The following GGH variants were observed in gnomAD, a reference collection of about 807,000 sequenced individuals.
GGH encodes the protein gamma-Glu-X carboxypeptidase.
GGH carries 18 observed loss-of-function variants against 39.2 expected under a neutral mutation model. That is an observed-to-expected ratio of 0.46 (90% CI 0.32 to 0.68). GGH has a LOEUF of 0.68. GGH is among the 30% of genes least tolerant of loss of function. The pLI, the probability that GGH is intolerant of heterozygous loss-of-function variation, is 0.04. For synonymous variants in GGH, 147 were observed against 138.8 expected, an observed-to-expected ratio of 1.06 and a Z score of -0.42; for missense variants, 367 against 384.1, an observed-to-expected ratio of 0.96 and a Z score of 0.37.
Position 63,038,779 on chromosome 8 carries a change from G to C in GGH, c.-11C>G. The C allele has an allele frequency of 6.8e-7, 1 of 1,466,090 alleles. No homozygotes were observed. Among genetic ancestry groups the C allele is most frequent in the South Asian group, 1.3e-5 (1 of 78,754 alleles). 90.8% of individuals were successfully genotyped at this position (1,466,090 alleles called of 1,614,324 possible). On this transcript the variant is annotated 5_prime_UTR_variant, in exon 1 of 9. Transcript: ENST00000260118. ...GCCCGGACTGGCCATGGCGCTCGCC[G>C]CCTCCCGCCGCCTTTCAAAAGCTCT...
At chr8:63,017,106 C>G (rs181094476) in intron 8 of GGH, among the ~76,000 whole-genome samples, 1 of 151,936 alleles carries the variant, frequency 6.6e-6, no homozygotes, top group Admixed American at 6.6e-5. Context: ...CAGGAGGATC[C>G]CCTGAGCCCA....
In GGH at chr8:63,020,686, C is replaced by A. The variant is rs761636471; in HGVS notation, c.698-3056G>T. Among the ~76,000 whole-genome samples, 137 of 152,246 alleles carry A rather than the reference C, an allele frequency of 9.0e-4. 1 individual carries two copies. Among genetic ancestry groups the A allele is most frequent in the Non-Finnish European group, 1.6e-3 (108 of 68,018 alleles). On this transcript the variant is annotated intron_variant, in intron 7 of 8. Transcript: ENST00000260118. ...AAGCACATGAGAAGCAGTGCAGAGG[C>A]AAGAAGCATGGCTCTGTGGAGGGAC...
At chr8:63,028,596 A>G (rs1209367913) in intron 3 of GGH, 1 of 152,148 alleles carries the variant, frequency 6.6e-6, no homozygotes, top group Non-Finnish European at 1.5e-5. Flanking sequence ...TTTTCTGGTG[A>G]CACTCAGAGA....
intron 1 of GGH, among the ~76,000 whole-genome samples, chr8:63,037,735 G>T (rs1804937516): frequency 6.6e-6 from 1 of 152,070 alleles, no homozygotes; most frequent in Non-Finnish European, 1.5e-5. Flanking sequence ...CACACAATAT[G>T]CAACCTGTTA....
chr8:63,016,719 G>A (rs1003621478), intron 8 of GGH, among the ~76,000 whole-genome samples: 2 of 152,162 alleles, frequency 1.3e-5, no homozygotes, highest in African/African-American at 2.4e-5. Flanking sequence ...TGCTTAAATC[G>A]TAGGACTTAC....
chr8:63,031,664 A>G (rs1403366313), intron 2 of GGH, among the ~76,000 whole-genome samples: 1 of 152,192 alleles, frequency 6.6e-6, no homozygotes, highest in Non-Finnish European at 1.5e-5. Context: ...CACACTGTCC[A>G]TGACTATAGT....
intron 3 of GGH, among the ~76,000 whole-genome samples, chr8:63,027,786 C>T (rs12335094): frequency 0.78 from 118,904 of 152,032 alleles, 47,557 homozygotes; most frequent in East Asian, 0.98. Context: ...TCTTCAGAAA[C>T]ACGCACAGTA....
intron 1 of GGH, 148 bp from the exon 2 acceptor site, chr8:63,035,918 A>G (rs1804899746): frequency 5.3e-6 from 4 of 747,816 alleles, no homozygotes; most frequent in East Asian, 2.9e-5. Flanking sequence ...CCCATAGCCT[A>G]TGGGAAAGCA....
intron 2 of GGH, among the ~76,000 whole-genome samples, chr8:63,033,146 T>C (rs972954307): frequency 6.6e-6 from 1 of 152,244 alleles, no homozygotes; most frequent in African/African-American, 2.4e-5. Context: ...AAGTATTTCC[T>C]TTATAACCCC....
chr8:63,036,569 G>A (rs1190261378), intron 1 of GGH, among the ~76,000 whole-genome samples: 3 of 152,198 alleles, frequency 2.0e-5, no homozygotes, highest in Non-Finnish European at 2.9e-5. Flanking sequence ...GGTGGGGAAG[G>A]AGAGCCCATC....
At chr8:63,024,231 AT>A (rs1295167144) in intron 5 of GGH, 45 bp from the exon 6 acceptor site, 1 of 1,234,234 alleles carries the variant, frequency 8.1e-7, no homozygotes, top group South Asian at 1.3e-5. Context: ...ACACAAAAAA[AT>A]AAAATCCACT....
chr8:63,033,380 G>A (rs1432548660), intron 2 of GGH, among the ~76,000 whole-genome samples: 2 of 152,158 alleles, frequency 1.3e-5, no homozygotes, highest in Non-Finnish European at 2.9e-5. Context: ...AGCTGGTCTT[G>A]GGCTTTTCTG....
At chr8:63,032,740 A>T (rs1804829049) in intron 2 of GGH, among the ~76,000 whole-genome samples, 1 of 152,220 alleles carries the variant, frequency 6.6e-6, no homozygotes, top group African/African-American at 2.4e-5. Context: ...CTACAAGATC[A>T]CATGATTCCA....
intron 5 of GGH, chr8:63,024,962 C>T (rs955604356): frequency 2.0e-5 from 3 of 152,170 alleles, no homozygotes; most frequent in African/African-American, 7.2e-5. Flanking sequence ...AAAGAGCTTT[C>T]AAAAGCACAA....
intron 4 of GGH, among the ~76,000 whole-genome samples, chr8:63,026,642 A>C (rs1259638655): frequency 6.6e-6 from 1 of 152,360 alleles, no homozygotes; most frequent in Middle Eastern, 3.4e-3. Context: ...AGGGCCAGCA[A>C]GATTAATTTA....
At chr8:63,027,015 A>G (rs1304326348) in intron 4 of GGH, 166 bp downstream of exon 4, 1 of 628,856 alleles carries the variant, frequency 1.6e-6, no homozygotes, top group Non-Finnish European at 2.8e-6. Context: ...GATGAAGCAC[A>G]TGGAAAATAG....
Position 63,015,581 on chromosome 8 carries a change from T to C in GGH, c.836-128A>G, listed in dbSNP as rs374637262. 18 of 526,928 alleles carry C rather than the reference T, an allele frequency of 3.4e-5. No homozygotes were observed. In the African/African-American group the frequency reaches 3.4e-4, roughly 10 times the overall value. The allele number at this position is 526,928 out of a possible 1,614,324, so 32.6% of individuals were successfully genotyped here. ...ATATCAACAAGAAGAGAAATGCGAC[T>C]GCTCTTCCTATAGAACAGCCATCTT... is the stretch of plus-strand genomic sequence containing the variant. On this transcript the variant is annotated intron_variant, in intron 8 of 8. Coordinates refer to ENST00000260118, the MANE Select transcript of GGH (RefSeq NM_003878.3).
chr8:63,019,542 CA>C (rs1804548176), intron 7 of GGH, among the ~76,000 whole-genome samples: 1 of 152,176 alleles, frequency 6.6e-6, no homozygotes, highest in East Asian at 1.9e-4. Flanking sequence ...CAATGGCTAC[CA>C]AGAGATGGAA....
chr8:63,038,588 C>CGGG, intron 1 of GGH, 72 bp downstream of exon 1: 9 of 754,188 alleles, frequency 1.2e-5, no homozygotes, highest in East Asian at 3.3e-5. Context: ...AGCTGGAGCG[C>CGGG]GGCGGCGGGA....
Sources: gnomAD v4.1 joint callset for allele counts (sites outside exome capture counted in the v4.1 genomes callset) on GRCh38, gnomAD v4.1.1 for gene constraint, MANE v1.5 for transcripts, NCBI Gene and HGNC (gene_info 2026-07-23, HGNC 2026-07-21) for gene names.